The following KIF21A variants were observed in gnomAD, a reference collection of about 807,000 sequenced individuals.
KIF21A encodes the protein kinesin-like protein KIF21A.
In KIF21A, 114 loss-of-function variants were observed where a neutral mutation model predicts 202.9. That is an observed-to-expected ratio of 0.56 (90% CI 0.48 to 0.66). The LOEUF is 0.66. Ranked by LOEUF, KIF21A falls within the 30% of genes least tolerant of loss-of-function variation. The pLI is 0.00. For missense variants in KIF21A, 1,677 were observed against 1,994.9 expected, an observed-to-expected ratio of 0.84 and a Z score of 3.04; for synonymous variants, 667 against 670.8, an observed-to-expected ratio of 0.99 and a Z score of 0.09.
chr12:39,356,807 A>T, intron 10 of KIF21A, 25 bp downstream of exon 10: 1 of 985,354 alleles, frequency 1.0e-6, no homozygotes, highest in Non-Finnish European at 1.6e-6. Flanking sequence ...CATGTGCATT[A>T]TATGTTACAG....
At position 39,341,610 on chromosome 12, in the gene KIF21A, C is replaced by T; in HGVS notation, c.1816G>A (p.Glu606Lys). 6.2e-7 allele frequency: 1 copy of T among 1,608,790 alleles called. No individual in the cohort carries two copies. Among genetic ancestry groups the T allele is most frequent in the Non-Finnish European group, 8.5e-7 (1 of 1,177,522 alleles). Reference sequence around the variant, plus strand: ...TCTTCATCCTCATGATCACTCACTTCTTGACTTTCTTCCTAAAATGTGATT... The same window carrying T: ...TCTTCATCCTCATGATCACTCACTTTTTGACTTTCTTCCTAAAATGTGATT... ...NNELEVEESQ[E>K]VSDHEDEEEE... The change falls in exon 14 of 38, where the codon GAA (glutamate) becomes AAA (lysine). Residue 606 changes from glutamate to lysine, a missense_variant. This residue lies in a region of KIF21A where 966 missense variants were observed against 1,180.9 expected (regional missense o/e 0.82). Transcript: ENST00000361418.
At chr12:39,295,313 T>G (rs1173181585) in intron 37 of KIF21A, among the ~76,000 whole-genome samples, 1 of 152,236 alleles carries the variant, frequency 6.6e-6, no homozygotes. Context: ...GATAATCACA[T>G]TTCTTAACAT....
intron 1 of KIF21A, among the ~76,000 whole-genome samples, chr12:39,430,341 G>A (rs948946158): frequency 2.6e-5 from 4 of 151,958 alleles, no homozygotes; most frequent in East Asian, 1.9e-4. Context: ...CGAGGTGGGC[G>A]GATCACCTGA....
At chr12:39,410,368 T>A (rs1213309750) in intron 1 of KIF21A, among the ~76,000 whole-genome samples, 1 of 151,240 alleles carries the variant, frequency 6.6e-6, no homozygotes, top group Non-Finnish European at 1.5e-5. Context: ...AATACAAGGA[T>A]CAATAAAAGA....
At chr12:39,325,089 T>A (rs956832806) in intron 26 of KIF21A, among the ~76,000 whole-genome samples, 3 of 152,178 alleles carry the variant, frequency 2.0e-5, no homozygotes, top group Admixed American at 1.3e-4. Context: ...TAACACATAA[T>A]AATTACAGAT....
intron 1 of KIF21A, among the ~76,000 whole-genome samples, chr12:39,436,422 T>TTTTTTATATA (rs1424497663): frequency 1.6e-4 from 16 of 99,114 alleles, no homozygotes; most frequent in African/African-American, 7.3e-4. Context: ...GTTTACTATA[T>TTTTTTATATA]TATATATATA....
intron 34 of KIF21A, among the ~76,000 whole-genome samples, chr12:39,305,295 G>A (rs932366668): frequency 6.6e-6 from 1 of 151,440 alleles, no homozygotes; most frequent in East Asian, 1.9e-4. Flanking sequence ...GAATCTGGGG[G>A]TGGGAGGCTG....
chr12:39,428,925 T>C (rs2140324233), intron 1 of KIF21A, among the ~76,000 whole-genome samples: 1 of 144,852 alleles, frequency 6.9e-6, no homozygotes, highest in Non-Finnish European at 1.5e-5. Flanking sequence ...GTCACTGCAC[T>C]CCAGCCTGGT....
chr12:39,429,784 C>T (rs1955039194), intron 1 of KIF21A, among the ~76,000 whole-genome samples: 1 of 151,118 alleles, frequency 6.6e-6, no homozygotes, highest in African/African-American at 2.4e-5. Flanking sequence ...TTAGATATTA[C>T]CTAGAAGAGG....
chr12:39,338,020 A>G (rs1947127958), intron 16 of KIF21A, among the ~76,000 whole-genome samples: 1 of 151,536 alleles, frequency 6.6e-6, no homozygotes, highest in Non-Finnish European at 1.5e-5. Flanking sequence ...GGACTTATGA[A>G]AAAAAAAGTT....
chr12:39,416,720 TATGTAC>T (rs2140145659), intron 1 of KIF21A, among the ~76,000 whole-genome samples: 1 of 99,372 alleles, frequency 1.0e-5, no homozygotes, highest in Non-Finnish European at 2.1e-5. Context: ...TGTGTGTATA[TATGTAC>T]ATATATATGT....
intron 1 of KIF21A, among the ~76,000 whole-genome samples, chr12:39,400,923 A>G (rs1952123765): frequency 6.6e-6 from 1 of 152,242 alleles, no homozygotes. Context: ...TCTTCTGCTC[A>G]GGTTTCACAA....
intron 1 of KIF21A, among the ~76,000 whole-genome samples, chr12:39,439,125 T>C (rs184746970): frequency 2.2e-3 from 342 of 152,268 alleles, no homozygotes; most frequent in Non-Finnish European, 3.7e-3. Flanking sequence ...ACATCTTACA[T>C]GTATATATAT....
At chr12:39,426,724 A>G (rs1050372326) in intron 1 of KIF21A, among the ~76,000 whole-genome samples, 96 of 151,308 alleles carry the variant, frequency 6.3e-4, no homozygotes, top group Middle Eastern at 3.4e-3. Context: ...AATACAAAAA[A>G]AAAAAAAAAA....
At chr12:39,330,351 A>G in intron 23 of KIF21A, 89 bp from the exon 24 acceptor site, 1 of 1,172,956 alleles carries the variant, frequency 8.5e-7, no homozygotes, top group Non-Finnish European at 1.3e-6. Flanking sequence ...AAACAAGATT[A>G]TGTACCATTT....
intron 37 of KIF21A, among the ~76,000 whole-genome samples, chr12:39,299,178 T>TATAATAATAGAGTAA (rs1382081128): frequency 6.6e-6 from 1 of 152,006 alleles, no homozygotes; most frequent in Non-Finnish European, 1.5e-5. Flanking sequence ...ACAGACAACC[T>TATAATAATAGAGTAA]ACAGAATGGG....
chr12:39,438,314 G>A (rs1343758728), intron 1 of KIF21A, among the ~76,000 whole-genome samples: 1 of 152,108 alleles, frequency 6.6e-6, no homozygotes, highest in Non-Finnish European at 1.5e-5. Flanking sequence ...TATTAAAATA[G>A]TTCCTTCCAG....
chr12:39,419,246 C>T (rs73088811), intron 1 of KIF21A, among the ~76,000 whole-genome samples: 1,667 of 152,248 alleles, frequency 0.011, 39 homozygotes, highest in African/African-American at 0.036. Flanking sequence ...GATTCATAAA[C>T]TTTAGAGCCA....
chr12:39,320,147 A>G (rs1048293070), intron 27 of KIF21A, 134 bp from the exon 28 acceptor site: 6 of 614,260 alleles, frequency 9.8e-6, no homozygotes, highest in Non-Finnish European at 1.7e-5. Context: ...AACAAAAAAT[A>G]AAACTAACAT....
Sources: gnomAD v4.1 joint callset for allele counts (sites outside exome capture counted in the v4.1 genomes callset) on GRCh38, gnomAD v4.1.1 for gene constraint, gnomAD v4.1.1 regional missense constraint, MANE v1.5 for transcripts, NCBI Gene and HGNC (gene_info 2026-07-23, HGNC 2026-07-21) for gene names.